The following IQSEC1 variants were observed in gnomAD, a reference collection of about 807,000 sequenced individuals.
IQSEC1 encodes the protein IQ motif and SEC7 domain-containing protein 1.
Under a neutral mutation model 91.0 loss-of-function variants are expected in IQSEC1, and 31 were observed. The ratio of observed to expected loss-of-function variants is 0.34; its 90% CI spans 0.26 to 0.46. The LOEUF (loss-of-function observed/expected upper bound fraction) is 0.46. Ranked by LOEUF, IQSEC1 falls within the 20% of genes least tolerant of loss-of-function variation. IQSEC1 has a pLI of 1.00. For missense variants in IQSEC1, 1,388 were observed against 1,575.6 expected (o/e 0.88, Z 2.02); for synonymous variants, 699 against 662.6 (o/e 1.05, Z -0.84).
chr3:13,021,200 T>G lies in IQSEC1; in HGVS notation c.23+51792A>C, dbSNP rs539993025. Among the ~76,000 whole-genome samples the G allele has an allele frequency of 3.9e-5, 6 of 152,336 alleles. No homozygotes were observed. In the East Asian group the frequency reaches 7.7e-4, roughly 20 times the overall value. ...CAGATGGGGAGACCCCAGCCTTGCC[T>G]GAGATCACAAGGGACCTGGCTTCCT... On this transcript the variant is annotated intron_variant, in intron 1 of 13. Transcript: ENST00000613206.
rs543513547 is a variant in IQSEC1 at position 13,028,367 on chromosome 3, C to T, written c.23+44625G>A. Among the ~76,000 whole-genome samples the T allele has an allele frequency of 1.2e-4, 19 of 152,320 alleles. No homozygotes were observed. In the East Asian group the frequency reaches 2.1e-3, roughly 17 times the overall value. On this transcript the variant is annotated intron_variant, in intron 1 of 13. Coordinates refer to ENST00000613206, the MANE Select transcript of IQSEC1 (RefSeq NM_001134382.3). ...TGGCCTCTGTTTGTCAGCTGTCCCC[C>T]GAGGCTGGGCCAGGCTAGGCCGGCA...
intron 1 of IQSEC1, among the ~76,000 whole-genome samples, chr3:13,172,249 G>A (rs969882020): frequency 8.5e-5 from 13 of 152,252 alleles, no homozygotes; most frequent in Non-Finnish European, 1.6e-4. Context: ...ATGGTTGGGG[G>A]AGGTTTGCGG....
intron 1 of IQSEC1, among the ~76,000 whole-genome samples, chr3:12,945,724 T>TCAG: frequency 6.6e-6 from 1 of 152,248 alleles, no homozygotes; most frequent in South Asian, 2.1e-4. Context: ...ATGGCCCCAA[T>TCAG]CAGCAACTAC....
intron 2 of IQSEC1, among the ~76,000 whole-genome samples, chr3:12,941,116 G>T (rs1698708339): frequency 6.6e-6 from 1 of 152,216 alleles, no homozygotes; most frequent in Admixed American, 6.5e-5. Context: ...TCTTTCCAGA[G>T]CTTGTGATAT....
chr3:13,168,029 C>T (rs925954909), intron 1 of IQSEC1, among the ~76,000 whole-genome samples: 3 of 152,192 alleles, frequency 2.0e-5, no homozygotes, highest in East Asian at 3.8e-4. Flanking sequence ...GTTTAAGCCT[C>T]ACAGGCAGTG....
chr3:12,932,714 A>G (rs1226341775), intron 3 of IQSEC1, among the ~76,000 whole-genome samples: 1 of 152,184 alleles, frequency 6.6e-6, no homozygotes, highest in Non-Finnish European at 1.5e-5. Context: ...CAGAGAGTTC[A>G]GGGAGTTGCC....
At chr3:13,192,504 A>C (rs1576289510) in intron 1 of IQSEC1, among the ~76,000 whole-genome samples, 1 of 152,186 alleles carries the variant, frequency 6.6e-6, no homozygotes, top group Non-Finnish European at 1.5e-5. Context: ...GTGAAGATGC[A>C]GGAAGACAGC....
intron 1 of IQSEC1, among the ~76,000 whole-genome samples, chr3:13,173,171 T>G (rs374218391): frequency 3.3e-5 from 5 of 152,244 alleles, no homozygotes; most frequent in East Asian, 1.9e-4. Context: ...ACCTTGCATT[T>G]CAGTTCTGGA....
intron 1 of IQSEC1, among the ~76,000 whole-genome samples, chr3:13,034,865 T>C (rs146733344): frequency 5.9e-5 from 9 of 152,350 alleles, no homozygotes; most frequent in Admixed American, 6.5e-5. Context: ...CAGGCCCACA[T>C]GCAGCTCCTG....
intron 2 of IQSEC1, among the ~76,000 whole-genome samples, chr3:13,118,133 C>T (rs893414119): frequency 2.0e-5 from 3 of 151,982 alleles, no homozygotes; most frequent in South Asian, 4.2e-4. Context: ...AAGAAATGAC[C>T]GATGAGATGA....
intron 1 of IQSEC1, among the ~76,000 whole-genome samples, chr3:13,274,748 T>TA (rs113198785): frequency 0.025 from 3,876 of 152,234 alleles, 133 homozygotes; most frequent in African/African-American, 0.08. Context: ...CTGCATGGCT[T>TA]AGAGGGCCCT....
At chr3:13,255,323 T>C (rs1050297089) in intron 1 of IQSEC1, among the ~76,000 whole-genome samples, 4 of 152,164 alleles carry the variant, frequency 2.6e-5, no homozygotes, top group African/African-American at 9.6e-5. Flanking sequence ...GTCTGTCCCC[T>C]GATCCTGAGG....
chr3:13,027,642 G>C (rs960825476), intron 1 of IQSEC1, among the ~76,000 whole-genome samples: 1 of 152,146 alleles, frequency 6.6e-6, no homozygotes, highest in Non-Finnish European at 1.5e-5. Flanking sequence ...GGAAGATGAT[G>C]CCTGGGTTGC....
chr3:12,969,428 C>G (rs1309524930), intron 1 of IQSEC1, among the ~76,000 whole-genome samples: 1 of 152,138 alleles, frequency 6.6e-6, no homozygotes, highest in African/African-American at 2.4e-5. Context: ...GACAAAAGTA[C>G]CTATACATAG....
chr3:12,952,698 C>T (rs755733230), intron 1 of IQSEC1, among the ~76,000 whole-genome samples: 2 of 152,208 alleles, frequency 1.3e-5, no homozygotes, highest in Non-Finnish European at 2.9e-5. Context: ...TGTTCCTCTC[C>T]GCTCTGGCAC....
chr3:13,273,733 C>T (rs898790445), intron 1 of IQSEC1, among the ~76,000 whole-genome samples: 1 of 152,186 alleles, frequency 6.6e-6, no homozygotes, highest in African/African-American at 2.4e-5. Context: ...TAAGTCCCAT[C>T]ACTTCCTCCT....
chr3:13,273,303 G>A (rs1695618907), intron 1 of IQSEC1, among the ~76,000 whole-genome samples: 1 of 152,190 alleles, frequency 6.6e-6, no homozygotes, highest in Non-Finnish European at 1.5e-5. Flanking sequence ...CCCAAGGGAA[G>A]TGAACATCTC....
intron 6 of IQSEC1, among the ~76,000 whole-genome samples, chr3:12,917,264 A>C (rs1463468973): frequency 6.6e-6 from 1 of 152,166 alleles, no homozygotes; most frequent in Non-Finnish European, 1.5e-5. Flanking sequence ...CCCGAGGTCC[A>C]TGTTTTAGAT....
At chr3:12,948,530 G>A (rs1185384692) in intron 1 of IQSEC1, among the ~76,000 whole-genome samples, 2 of 152,200 alleles carry the variant, frequency 1.3e-5, no homozygotes, top group South Asian at 2.1e-4. Flanking sequence ...GCCACGTCCC[G>A]ACTCGCCAGG....
Sources: gnomAD v4.1 joint callset for allele counts (sites outside exome capture counted in the v4.1 genomes callset) on GRCh38, gnomAD v4.1.1 for gene constraint, MANE v1.5 for transcripts, NCBI Gene and HGNC (gene_info 2026-07-23, HGNC 2026-07-21) for gene names.